Variants in MRS2 observed in about 807,000 individuals in gnomAD.
MRS2 encodes magnesium transporter MRS2.
A neutral mutation model predicts 52.6 loss-of-function variants in MRS2; 40 were observed. That is an observed-to-expected ratio of 0.76 (90% confidence interval 0.59 to 0.99). The LOEUF (loss-of-function observed/expected upper bound fraction) is 0.99. MRS2 is among the 50% of genes least tolerant of loss of function. The pLI, the probability that MRS2 is intolerant of heterozygous loss-of-function variation, is 0.00. For missense variants in MRS2, 472 were observed against 532.7 expected, an observed-to-expected ratio of 0.89 and a Z score of 1.12; for synonymous variants, 193 against 195.9, an observed-to-expected ratio of 0.98 and a Z score of 0.13.
intron 9 of MRS2, among the ~76,000 whole-genome samples, chr6:24,421,360 T>C (rs1161308945): frequency 6.6e-6 from 1 of 152,216 alleles, no homozygotes; most frequent in Non-Finnish European, 1.5e-5. Flanking sequence ...TTCAAATTAA[T>C]GTCTTATCAG....
chr6:24,420,027 C>T (rs182935784), intron 9 of MRS2, among the ~76,000 whole-genome samples: 17 of 152,284 alleles, frequency 1.1e-4, no homozygotes, highest in African/African-American at 4.1e-4. Flanking sequence ...AAAAAGTGGT[C>T]TTTATAAGAT....
intron 5 of MRS2, among the ~76,000 whole-genome samples, chr6:24,412,871 C>T (rs1466208279): frequency 6.6e-6 from 1 of 152,132 alleles, no homozygotes; most frequent in Non-Finnish European, 1.5e-5. Context: ...TTTTCTTCCT[C>T]CTGTTAAGTC....
At chr6:24,423,538 T>TA in intron 10 of MRS2, 46 bp from the exon 11 acceptor site, 1 of 1,160,816 alleles carries the variant, frequency 8.6e-7, no homozygotes, top group East Asian at 2.5e-5. Flanking sequence ...ACTAGTGGCT[T>TA]TTCTTTTAAA....
At chr6:24,409,660 A>C (rs763399849) in intron 4 of MRS2, 87 bp downstream of exon 4, 108 of 799,136 alleles carry the variant, frequency 1.4e-4, no homozygotes, top group Middle Eastern at 1.0e-3. Flanking sequence ...TCTAGGTTAA[A>C]AGTAATTTTG....
rs1761686988 is a variant in MRS2 at position 24,412,205 on chromosome 6, T to G, written c.415-17T>G. On this transcript the variant is annotated splice_polypyrimidine_tract_variant and intron_variant, in intron 4 of 10. Transcript: ENST00000378386. ...CACTCACATATTTATATGTTTTGGT[T>G]TTTTTTTTTTTAACAGTATTTGAAA... The G allele has an allele frequency of 6.8e-7, 1 of 1,470,574 alleles. No homozygotes were observed. The allele number at this position is 1,470,574 out of a possible 1,614,324, so 91.1% of individuals were successfully genotyped here. A position where few individuals can be genotyped will look rare whatever the true frequency, so the allele number is the denominator to read the frequency against.
In MRS2 at chr6:24,403,024, T is replaced by C; in HGVS notation, c.-23T>C. Reference sequence around the variant, plus strand: ...GCATGAAGGTCTGGGGTCTGGCTGCTGCCTGCTTCTTGCTCCAGCACCATG... The same window carrying C: ...GCATGAAGGTCTGGGGTCTGGCTGCCGCCTGCTTCTTGCTCCAGCACCATG... On this transcript the variant is annotated 5_prime_UTR_variant, in exon 1 of 11. Transcript: ENST00000378386. 1.3e-6 allele frequency: 2 copies of C among 1,565,288 alleles called. No homozygotes were observed. Among genetic ancestry groups the C allele is most frequent in the Non-Finnish European group, 1.7e-6 (2 of 1,157,530 alleles).
At chr6:24,405,359 A>G in intron 2 of MRS2, 118 bp downstream of exon 2, 1 of 726,300 alleles carries the variant, frequency 1.4e-6, no homozygotes, top group Non-Finnish European at 2.3e-6. Flanking sequence ...TCATAGCTAC[A>G]TGTCGTGGCT....
Position 24,422,985 on chromosome 6 carries a change from G to A in MRS2, c.1156G>A (p.Gly386Ser). The change falls in exon 10 of 11, where the codon GGC becomes AGC. Residue 386 changes from glycine (G) to serine (S), a missense_variant. Coordinates refer to ENST00000378386, the MANE Select transcript of MRS2 (RefSeq NM_020662.4). ...LITGIMFMGS[G>S]LIWRRLLSFL... The stretch of plus-strand genomic sequence containing the variant: ...TACAGGAATTATGTTCATGGGAAGT[G>A]GCCTCATCTGGAGGCGCCTGCTTTC... 6.2e-7 allele frequency: 1 copy of A among 1,614,102 alleles called. No individual in the cohort carries two copies. The highest frequency in any genetic ancestry group is 1.1e-5 in the South Asian group (1 of 91,070).
Position 24,412,557 on chromosome 6 carries a change from C to T in MRS2, c.588+162C>T, listed in dbSNP as rs2127289433. ...TCCTACATGGAGATATCACTTAATTCTTAAATGTTATGACCCAGTCAAATA... is the reference window on the plus strand; with the variant it reads ...TCCTACATGGAGATATCACTTAATTTTTAAATGTTATGACCCAGTCAAATA... On this transcript the variant is annotated intron_variant, in intron 5 of 10. Coordinates refer to ENST00000378386, the MANE Select transcript of MRS2 (RefSeq NM_020662.4). 2.6e-5 allele frequency among the ~76,000 whole-genome samples: 4 copies of T among 152,252 alleles called. No homozygotes were observed. The Middle Eastern group carries it at 0.01, about 388-fold the overall frequency.
At chr6:24,407,378 G>T (rs1561806399) in intron 2 of MRS2, among the ~76,000 whole-genome samples, 1 of 151,950 alleles carries the variant, frequency 6.6e-6, no homozygotes, top group Non-Finnish European at 1.5e-5. Flanking sequence ...TATATATATT[G>T]TGAGTTTTTA....
At chr6:24,409,234 A>G (rs1386746875) in intron 3 of MRS2, among the ~76,000 whole-genome samples, 1 of 152,210 alleles carries the variant, frequency 6.6e-6, no homozygotes, top group Non-Finnish European at 1.5e-5. Flanking sequence ...AGGGTCTTCT[A>G]AGTAGTGAGA....
intron 1 of MRS2, 51 bp from the exon 2 acceptor site, chr6:24,405,117 A>T (rs372200953): frequency 7.5e-7 from 1 of 1,324,900 alleles, no homozygotes; most frequent in South Asian, 1.2e-5. Flanking sequence ...TTTTAGCTCT[A>T]TGTGAAAACC....
At position 24,424,616 on chromosome 6, in the gene MRS2, T is replaced by C. The variant is rs1419553951; in HGVS notation, c.*922T>C. 6.6e-6 allele frequency: 1 copy of C among 152,208 alleles called. No homozygotes were observed. The highest frequency in any genetic ancestry group is 1.5e-5 in the Non-Finnish European group (1 of 68,042). The allele number at this position is 152,208 out of a possible 1,614,324, so 9.4% of individuals were successfully genotyped here. On this transcript the variant is annotated 3_prime_UTR_variant, in exon 11 of 11. Transcript: ENST00000378386. ...AACAAATGGCTAATATTTGTAAGCC[T>C]GAAAGCTGCCATCCTCTTTAACATC...
Position 24,403,077 on chromosome 6 carries a change from C to G in MRS2, c.31C>G (p.Leu11Val), listed in dbSNP as rs777270835. MECLRSLPCL[L>V]PRAMRLPRRT... is the part of the protein sequence containing the mutation. ...ATGCCTGCGCAGTTTACCCTGCCTCCTGCCCCGCGCGATGAGACTTCCCCG... is the reference window on the plus strand; with the variant it reads ...ATGCCTGCGCAGTTTACCCTGCCTCGTGCCCCGCGCGATGAGACTTCCCCG... Residue 11 changes from leucine to valine, a missense_variant, in exon 1 of 11, where the codon CTG (leucine) becomes GTG (valine). Coordinates refer to ENST00000378386, the MANE Select transcript of MRS2 (RefSeq NM_020662.4). The G allele has an allele frequency of 3.7e-5, 59 of 1,611,564 alleles. No individual in the cohort carries two copies. The highest frequency in any genetic ancestry group is 4.9e-5 in the Non-Finnish European group (58 of 1,179,412).
chr6:24,412,949 G>A (rs759851639), intron 5 of MRS2, among the ~76,000 whole-genome samples: 27 of 152,166 alleles, frequency 1.8e-4, no homozygotes, highest in Non-Finnish European at 3.4e-4. Context: ...ACCAGAGTGG[G>A]AGGAGGAGAG....
intron 9 of MRS2, among the ~76,000 whole-genome samples, chr6:24,420,733 A>G (rs1298491273): frequency 6.6e-6 from 1 of 152,176 alleles, no homozygotes. Flanking sequence ...TGGAGGCAGG[A>G]AGATCTGGGG....
In MRS2 at chr6:24,423,681, TAACA is replaced by T; in HGVS notation, c.1323_1326del (p.Asn442ValfsTer20). The T allele has an allele frequency of 2.5e-6, 4 of 1,603,546 alleles. No individual in the cohort carries two copies. Among genetic ancestry groups the T allele is most frequent in the African/African-American group, 2.7e-5 (2 of 74,754 alleles). On this transcript the variant is annotated frameshift_variant, in exon 11 of 11. Transcript: ENST00000378386. LOFTEE classifies it high-confidence loss of function. ...GGACTTGGATCAGGAAGGAGCATCCTAACAAACCGTTAGGAACAGCCCCGTGGAT... is the reference window on the plus strand; with the variant it reads ...GGACTTGGATCAGGAAGGAGCATCCTAACCGTTAGGAACAGCCCCGTGGAT...
intron 1 of MRS2, among the ~76,000 whole-genome samples, chr6:24,404,917 G>A (rs1761412267): frequency 6.6e-6 from 1 of 152,086 alleles, no homozygotes; most frequent in South Asian, 2.1e-4. Context: ...AAGGTAAAAG[G>A]GTGATTGGAA....
intron 1 of MRS2, among the ~76,000 whole-genome samples, chr6:24,404,839 T>C (rs114966185): frequency 0.025 from 3,866 of 152,328 alleles, 57 homozygotes; most frequent in Middle Eastern, 0.065. Flanking sequence ...ACCAGACATT[T>C]TCTTAAATCT....
Sources: gnomAD v4.1 joint callset for allele counts (sites outside exome capture counted in the v4.1 genomes callset) on GRCh38, gnomAD v4.1.1 for gene constraint, MANE v1.5 for transcripts, NCBI Gene and HGNC (gene_info 2026-07-23, HGNC 2026-07-21) for gene names.